Variants in NCBP1 observed in about 807,000 individuals in gnomAD.
NCBP1 encodes nuclear cap-binding protein subunit 1.
In NCBP1, 16 loss-of-function variants were observed where a neutral mutation model predicts 111.7. That is an observed-to-expected ratio of 0.14 (90% confidence interval 0.10 to 0.22). NCBP1 has a LOEUF of 0.22. Ranked by LOEUF, NCBP1 falls within the 10% of genes least tolerant of loss-of-function variation. The pLI, the probability that NCBP1 is intolerant of heterozygous loss-of-function variation, is 1.00. For synonymous variants in NCBP1, 304 were observed against 314.3 expected (o/e 0.97, Z 0.35); for missense variants, 607 against 957.5 (o/e 0.63, Z 4.83).
chr9:97,659,559 C>A (rs1289366736), intron 15 of NCBP1, among the ~76,000 whole-genome samples: 2 of 152,206 alleles, frequency 1.3e-5, no homozygotes, highest in Non-Finnish European at 2.9e-5. Context: ...GAGGAAATGA[C>A]TTCCAAGAGG....
At chr9:97,635,558 G>A (rs923169988) in intron 1 of NCBP1, among the ~76,000 whole-genome samples, 4 of 151,814 alleles carry the variant, frequency 2.6e-5, no homozygotes, top group Non-Finnish European at 5.9e-5. Flanking sequence ...CCACAGGCGC[G>A]GGCCACCACG....
In NCBP1 at chr9:97,671,369, A is replaced by G. The variant is rs1828187906; in HGVS notation, c.*170A>G. The G allele has an allele frequency of 3.6e-6, 2 of 548,542 alleles. No individual in the cohort carries two copies. Among genetic ancestry groups the G allele is most frequent in the Non-Finnish European group, 6.4e-6 (2 of 310,438 alleles). The allele number at this position is 548,542 out of a possible 1,614,324, so 34.0% of individuals were successfully genotyped here. ...GGCATTACTTTTAATTGCCCTGAAA[A>G]GCAAATACTTCCTAACGGCAGTAAT... On this transcript the variant is annotated 3_prime_UTR_variant, in exon 23 of 23. Coordinates refer to ENST00000375147, the MANE Select transcript of NCBP1 (RefSeq NM_002486.5).
chr9:97,665,855 G>A (rs140173588), intron 19 of NCBP1, among the ~76,000 whole-genome samples: 1 of 145,862 alleles, frequency 6.9e-6, no homozygotes, highest in African/African-American at 2.5e-5. Context: ...TAGTGATAAC[G>A]TAGTCAATTA....
intron 4 of NCBP1, 89 bp downstream of exon 4, chr9:97,643,449 C>G (rs1206770233): frequency 7.7e-7 from 1 of 1,306,608 alleles, no homozygotes; most frequent in Non-Finnish European, 1.0e-6. Context: ...AAATGCTCTC[C>G]TAAAACATTC....
intron 2 of NCBP1, among the ~76,000 whole-genome samples, chr9:97,641,292 A>T (rs1440933919): frequency 6.6e-6 from 1 of 152,046 alleles, no homozygotes; most frequent in Non-Finnish European, 1.5e-5. Flanking sequence ...TCACTCGTCC[A>T]CTTTTCATGG....
chr9:97,662,494 G>A (rs1451775046), intron 17 of NCBP1, among the ~76,000 whole-genome samples: 1 of 152,184 alleles, frequency 6.6e-6, no homozygotes, highest in African/African-American at 2.4e-5. Context: ...ACTGTTGGGA[G>A]TCACGCAAAG....
intron 19 of NCBP1, among the ~76,000 whole-genome samples, chr9:97,664,928 G>A (rs1470672323): frequency 6.6e-6 from 1 of 152,304 alleles, no homozygotes; most frequent in Non-Finnish European, 1.5e-5. Context: ...TCTCACCACA[G>A]TCATAATCTT....
chr9:97,642,720 A>G (rs1020389836), intron 3 of NCBP1, among the ~76,000 whole-genome samples: 1 of 152,144 alleles, frequency 6.6e-6, no homozygotes, highest in African/African-American at 2.4e-5. Context: ...TTTTCTAAAC[A>G]ACTAGAATAG....
intron 12 of NCBP1, 99 bp downstream of exon 12, chr9:97,655,043 T>G: frequency 9.1e-7 from 1 of 1,096,086 alleles, no homozygotes; most frequent in Non-Finnish European, 1.3e-6. Context: ...TTTCCATGTT[T>G]AGTTTTTTTC....
chr9:97,648,407 T>C (rs772495173), intron 8 of NCBP1, among the ~76,000 whole-genome samples, 184 bp downstream of exon 8: 1 of 152,234 alleles, frequency 6.6e-6, no homozygotes, highest in Non-Finnish European at 1.5e-5. Flanking sequence ...CAAGAAATTA[T>C]ATTTGGCATG....
intron 20 of NCBP1, 31 bp from the exon 21 acceptor site, chr9:97,668,815 T>G (rs1828089537): frequency 5.0e-6 from 8 of 1,604,394 alleles, no homozygotes; most frequent in Non-Finnish European, 6.8e-6. Flanking sequence ...ATCTAAATGG[T>G]ATTTTCCTTT....
intron 1 of NCBP1, among the ~76,000 whole-genome samples, chr9:97,636,673 T>TATAA (rs1209511544): frequency 1.3e-4 from 16 of 123,466 alleles, no homozygotes; most frequent in Middle Eastern, 4.9e-3. Flanking sequence ...TATATATATA[T>TATAA]AAAATCATTT....
chr9:97,667,852 A>C (rs536997489), intron 20 of NCBP1, among the ~76,000 whole-genome samples: 2 of 152,196 alleles, frequency 1.3e-5, no homozygotes, highest in Non-Finnish European at 2.9e-5. Context: ...TTTATATAAC[A>C]TTGGCCCCAT....
chr9:97,662,855 AT>A, intron 17 of NCBP1, 98 bp from the exon 18 acceptor site: 1 of 842,594 alleles, frequency 1.2e-6, no homozygotes, highest in Non-Finnish European at 1.9e-6. Context: ...GCATTTATAT[AT>A]TGCATTATAA....
chr9:97,662,856 T>C, intron 17 of NCBP1, 98 bp from the exon 18 acceptor site: 1 of 852,922 alleles, frequency 1.2e-6, no homozygotes, highest in East Asian at 2.5e-5. Context: ...CATTTATATA[T>C]TGCATTATAA....
rs1358187073 is a variant in NCBP1 at position 97,672,050 on chromosome 9, G to A, written c.*851G>A. The A allele has an allele frequency of 6.6e-6, 1 of 152,178 alleles. No homozygotes were observed. The highest frequency in any genetic ancestry group is 1.5e-5 in the Non-Finnish European group (1 of 68,036). 9.4% of individuals were successfully genotyped at this position (152,178 alleles called of 1,614,324 possible). On this transcript the variant is annotated 3_prime_UTR_variant, in exon 23 of 23. Transcript: ENST00000375147. ...GTCAGATTGACTGAAACTATACCCT[G>A]AATTAGATGTGAGTTTAGATTTTGT...
chr9:97,655,604 A>G (rs1425838198), intron 12 of NCBP1, 98 bp from the exon 13 acceptor site: 1 of 896,374 alleles, frequency 1.1e-6, no homozygotes, highest in African/African-American at 1.7e-5. Flanking sequence ...TAACTCTGTA[A>G]AGTCGGGTTT....
chr9:97,670,049 T>C (rs1056485358), intron 22 of NCBP1: 15 of 360,188 alleles, frequency 4.2e-5, no homozygotes, highest in African/African-American at 2.8e-4. Flanking sequence ...CAGCCTCCCA[T>C]ATTGCTGGGA....
chr9:97,644,357 AC>A (rs1827278825), intron 4 of NCBP1, among the ~76,000 whole-genome samples: 11 of 152,120 alleles, frequency 7.2e-5, no homozygotes, highest in Admixed American at 7.2e-4. Flanking sequence ...TTGTTTTTGA[AC>A]CTCTATGCCT....
Sources: gnomAD v4.1 joint callset for allele counts (sites outside exome capture counted in the v4.1 genomes callset) on GRCh38, gnomAD v4.1.1 for gene constraint, MANE v1.5 for transcripts, NCBI Gene and HGNC (gene_info 2026-07-23, HGNC 2026-07-21) for gene names.